MDGA2: variants seen among roughly 807,000 people sequenced by gnomAD.
MDGA2 encodes MAM domain containing glycosylphosphatidylinositol anchor 2.
Under a neutral mutation model 117.8 loss-of-function variants are expected in MDGA2, and 40 were observed. That is an observed-to-expected ratio of 0.34 (90% confidence interval 0.26 to 0.44). The LOEUF (loss-of-function observed/expected upper bound fraction) is 0.44, where lower values mean the gene tolerates loss of function less well. Ranked by LOEUF, MDGA2 falls within the 20% of genes least tolerant of loss-of-function variation. The probability of loss-of-function intolerance (pLI) is 1.00; values close to 1 mark genes in which losing one functional copy is unlikely to be tolerated. For synonymous variants in MDGA2, 452 were observed against 439.0 expected, an observed-to-expected ratio of 1.03 and a Z score of -0.37; for missense variants, 1,123 against 1,250.6, an observed-to-expected ratio of 0.90 and a Z score of 1.54.
intron 9 of MDGA2, among the ~76,000 whole-genome samples, chr14:46,944,472 T>C (rs1885102825): frequency 6.6e-6 from 1 of 151,988 alleles, no homozygotes; most frequent in Non-Finnish European, 1.5e-5. Context: ...TTGTGCACCA[T>C]GATATGCTTG....
chr14:47,549,145 T>C (rs1477552056), intron 1 of MDGA2, among the ~76,000 whole-genome samples: 1 of 152,146 alleles, frequency 6.6e-6, no homozygotes, highest in Non-Finnish European at 1.5e-5. Flanking sequence ...CTGGTTTCCA[T>C]AGCTACTGCT....
At chr14:47,351,128 G>C (rs926585961) in intron 1 of MDGA2, among the ~76,000 whole-genome samples, 1 of 141,944 alleles carries the variant, frequency 7.0e-6, no homozygotes, top group African/African-American at 2.6e-5. Flanking sequence ...CCCCTGGCTG[G>C]AGTGCAATGG....
chr14:46,940,377 C>T (rs536541066), intron 9 of MDGA2, among the ~76,000 whole-genome samples: 1 of 152,128 alleles, frequency 6.6e-6, no homozygotes, highest in Admixed American at 6.5e-5. Context: ...GCCTGTAATC[C>T]CAGCACGTTG....
chr14:47,497,466 C>CCT (rs1400336708), intron 1 of MDGA2, among the ~76,000 whole-genome samples: 1 of 152,080 alleles, frequency 6.6e-6, no homozygotes, highest in East Asian at 1.9e-4. Flanking sequence ...CCATGTTGGC[C>CCT]AGGCTGGTCT....
In MDGA2 at chr14:47,248,766, CA is replaced by C. The variant is rs376351809; in HGVS notation, c.421-30572del. Among the ~76,000 whole-genome samples, 377 of 151,928 alleles carry C rather than the reference CA, an allele frequency of 2.5e-3. 2 individuals carry two copies. The highest frequency in any genetic ancestry group is 8.5e-3 in the African/African-American group (351 of 41,446). ...AAAAGCAACGGAGTATTAGGTTTAT[CA>C]AAGTAATTTTAAAATTTTTGTTGTA... is the stretch of plus-strand genomic sequence containing the variant. On this transcript the variant is annotated intron_variant, in intron 2 of 16. Coordinates refer to ENST00000399232, the MANE Select transcript of MDGA2 (RefSeq NM_001113498.3).
chr14:47,308,224 A>G (rs1402755478), intron 1 of MDGA2, among the ~76,000 whole-genome samples: 1 of 152,166 alleles, frequency 6.6e-6, no homozygotes, highest in Non-Finnish European at 1.5e-5. Flanking sequence ...TCAAGCTTGA[A>G]GCAAATAGTA....
chr14:47,269,790 T>C (rs1006610980), intron 2 of MDGA2, among the ~76,000 whole-genome samples: 2 of 152,186 alleles, frequency 1.3e-5, no homozygotes, highest in Non-Finnish European at 2.9e-5. Flanking sequence ...GCAAGTGATA[T>C]AGCATCATCT....
intron 3 of MDGA2, among the ~76,000 whole-genome samples, chr14:47,210,991 T>A (rs1301811647): frequency 1.3e-5 from 2 of 152,008 alleles, no homozygotes; most frequent in Non-Finnish European, 2.9e-5. Flanking sequence ...CTAAAAAAAA[T>A]AAAACATAAA....
intron 7 of MDGA2, among the ~76,000 whole-genome samples, chr14:47,036,812 C>T (rs1022211455): frequency 1.3e-5 from 2 of 152,170 alleles, no homozygotes; most frequent in Admixed American, 6.5e-5. Flanking sequence ...AATTCAAGTT[C>T]AAAGTGATAT....
intron 1 of MDGA2, among the ~76,000 whole-genome samples, chr14:47,384,338 C>G (rs1404535386): frequency 6.6e-6 from 1 of 150,692 alleles, no homozygotes; most frequent in East Asian, 1.9e-4. Flanking sequence ...GTTCTGCATA[C>G]TATACAACCT....
chr14:47,051,962 G>T (rs967443946), intron 7 of MDGA2, among the ~76,000 whole-genome samples: 2 of 151,630 alleles, frequency 1.3e-5, no homozygotes, highest in Non-Finnish European at 3.0e-5. Context: ...GATTGGTCTT[G>T]GTATTATAGC....
intron 3 of MDGA2, among the ~76,000 whole-genome samples, chr14:47,208,914 A>G (rs929153850): frequency 2.0e-5 from 3 of 150,868 alleles, no homozygotes; most frequent in African/African-American, 7.3e-5. Flanking sequence ...ACATTCGAAT[A>G]GCCTTCTATC....
intron 10 of MDGA2, among the ~76,000 whole-genome samples, chr14:46,896,032 T>TATA (rs1566512740): frequency 6.6e-6 from 1 of 152,216 alleles, no homozygotes; most frequent in Non-Finnish European, 1.5e-5. Context: ...TAATAGCTAC[T>TATA]ATACACTTTG....
intron 1 of MDGA2, among the ~76,000 whole-genome samples, chr14:47,641,682 C>T (rs1179054007): frequency 3.9e-5 from 6 of 152,038 alleles, no homozygotes; most frequent in Non-Finnish European, 5.9e-5. Flanking sequence ...AGGATATCAA[C>T]CTCTTAGAAT....
intron 1 of MDGA2, among the ~76,000 whole-genome samples, chr14:47,401,060 AT>A (rs529393207): frequency 2.6e-4 from 38 of 147,564 alleles, no homozygotes; most frequent in South Asian, 1.7e-3. Flanking sequence ...CCCGGCCGGC[AT>A]TTTTTTTTTC....
At chr14:47,115,666 T>C (rs1881289213) in intron 5 of MDGA2, among the ~76,000 whole-genome samples, 1 of 151,970 alleles carries the variant, frequency 6.6e-6, no homozygotes, top group Admixed American at 6.6e-5. Flanking sequence ...ACTACATTAG[T>C]AGAATAAAGG....
chr14:46,905,450 G>A (rs532288346), intron 10 of MDGA2, among the ~76,000 whole-genome samples: 63 of 151,906 alleles, frequency 4.1e-4, no homozygotes, highest in Non-Finnish European at 6.6e-4. Flanking sequence ...GAGATTGCGT[G>A]CAAACTATCT....
At chr14:47,034,046 T>C (rs1277963603) in intron 8 of MDGA2, among the ~76,000 whole-genome samples, 1 of 152,228 alleles carries the variant, frequency 6.6e-6, no homozygotes, top group Admixed American at 6.5e-5. Context: ...TTTCACCTAA[T>C]TCATCTGTTT....
At chr14:46,864,824 A>T (rs928599874) in intron 14 of MDGA2, among the ~76,000 whole-genome samples, 4 of 151,986 alleles carry the variant, frequency 2.6e-5, no homozygotes, top group African/African-American at 9.7e-5. Context: ...AACACTAAGG[A>T]GCCTTATCTA....
Sources: allele counts gnomAD v4.1 joint callset (sites outside exome capture counted in the v4.1 genomes callset), GRCh38; gene constraint gnomAD v4.1.1; transcripts MANE v1.5; gene names NCBI Gene and HGNC (gene_info 2026-07-23, HGNC 2026-07-21).